The following TMEM132B variants were observed in gnomAD, a reference collection of about 807,000 sequenced individuals.
TMEM132B encodes the protein transmembrane protein 132B.
A neutral mutation model predicts 90.8 loss-of-function variants in TMEM132B; 18 were observed. The observed-to-expected ratio is 0.20, with a 90% CI of 0.14 to 0.29. The LOEUF (loss-of-function observed/expected upper bound fraction) is 0.29, where lower values mean the gene tolerates loss of function less well. TMEM132B is among the 10% of genes least tolerant of loss of function. The pLI is 1.00. For synonymous variants in TMEM132B, 504 were observed against 523.3 expected, an observed-to-expected ratio of 0.96 and a Z score of 0.50; for missense variants, 1,096 against 1,326.8, an observed-to-expected ratio of 0.83 and a Z score of 2.70.
chr12:125,417,449 G>C (rs187245610), intron 3 of TMEM132B, among the ~76,000 whole-genome samples: 1 of 152,116 alleles, frequency 6.6e-6, no homozygotes, highest in Non-Finnish European at 1.5e-5. Context: ...GTGCCTACTG[G>C]GTGGTCAGCT....
intron 3 of TMEM132B, among the ~76,000 whole-genome samples, chr12:125,507,540 G>A (rs1882877054): frequency 6.6e-6 from 1 of 152,134 alleles, no homozygotes; most frequent in South Asian, 2.1e-4. Flanking sequence ...CTGAAGGCGA[G>A]GCCAAGGATG....
chr12:125,654,835 T>G lies in TMEM132B; in HGVS notation c.*125T>G. 8.5e-7 allele frequency: 1 copy of G among 1,172,958 alleles called. No individual in the cohort carries two copies. Among genetic ancestry groups the G allele is most frequent in the Non-Finnish European group, 1.2e-6 (1 of 845,662 alleles). 72.7% of individuals were successfully genotyped at this position (1,172,958 alleles called of 1,614,324 possible). On this transcript the variant is annotated 3_prime_UTR_variant, in exon 9 of 9. Coordinates refer to ENST00000682704, the MANE Select transcript of TMEM132B (RefSeq NM_001366854.1). This position sits in a 1 kb window ranked among gnomAD's most constrained non-coding sequence, Gnocchi z 5.8. ...ATTTGTGGAGGTCTGGTGGGATTCATTTCTAAGCAGGTAAAAGAGGTTTGG... is the reference window on the plus strand; with the variant it reads ...ATTTGTGGAGGTCTGGTGGGATTCAGTTCTAAGCAGGTAAAAGAGGTTTGG...
chr12:125,529,343 C>T (rs976720369), intron 4 of TMEM132B, among the ~76,000 whole-genome samples: 2 of 152,150 alleles, frequency 1.3e-5, no homozygotes, highest in South Asian at 2.1e-4. Context: ...GCAATCCTTC[C>T]ACTTTAGCCT....
rs1203434073 is a variant in TMEM132B at position 125,408,610 on chromosome 12, G to T, written c.960-6921G>T. 6.6e-6 allele frequency among the ~76,000 whole-genome samples: 1 copy of T among 152,184 alleles called. No individual in the cohort carries two copies. Among genetic ancestry groups the T allele is most frequent in the Non-Finnish European group, 1.5e-5 (1 of 68,044 alleles). ...TTGTGGTATTTTGTTAGACTGTCCC[G>T]AACAGATTAAGGCAATGAGCATTTT... On this transcript the variant is annotated intron_variant, in intron 2 of 8. Transcript: ENST00000682704. This position sits in a 1 kb window ranked among gnomAD's most constrained non-coding sequence, Gnocchi z 5.9.
chr12:125,427,793 G>A (rs1379069319), intron 3 of TMEM132B, among the ~76,000 whole-genome samples: 1 of 152,198 alleles, frequency 6.6e-6, no homozygotes, highest in Admixed American at 6.5e-5. Flanking sequence ...TTCTTACCAA[G>A]TGCAGATGTT....
At chr12:125,413,733 C>T (rs769339018) in intron 2 of TMEM132B, among the ~76,000 whole-genome samples, 4 of 152,164 alleles carry the variant, frequency 2.6e-5, no homozygotes, top group Non-Finnish European at 4.4e-5. Context: ...TTTTATTTAT[C>T]CCTCCATCAT....
chr12:125,454,392 T>TGTGTGTGTGTGTG (rs1555250638), intron 3 of TMEM132B, among the ~76,000 whole-genome samples: 14 of 112,082 alleles, frequency 1.2e-4, no homozygotes, highest in African/African-American at 3.7e-4. Flanking sequence ...GTGTGTGTGT[T>TGTGTGTGTGTGTG]TGTGTGTGTG....
At chr12:125,430,917 C>T (rs1880481456) in intron 3 of TMEM132B, among the ~76,000 whole-genome samples, 1 of 151,992 alleles carries the variant, frequency 6.6e-6, no homozygotes, top group South Asian at 2.1e-4. Flanking sequence ...CGAGCAGAGC[C>T]CTGAAGGGAG....
rs548027902 is a variant in TMEM132B at position 125,460,596 on chromosome 12, C to T, written c.1106+44919C>T. Among the ~76,000 whole-genome samples the T allele has an allele frequency of 6.6e-6, 1 of 152,218 alleles. No homozygotes were observed. Among genetic ancestry groups the T allele is most frequent in the Admixed American group, 6.5e-5 (1 of 15,276 alleles). On this transcript the variant is annotated intron_variant, in intron 3 of 8. Transcript: ENST00000682704. The surrounding 1 kb of genome is among the most constrained non-coding windows in gnomAD (Gnocchi z 4.4). ...CTCTCCTTCAGTCCAACGCATTTCA[C>T]TCTTCAACAGTACTGCTCAACCGTT...
chr12:125,658,843 A>G lies in TMEM132B; in HGVS notation c.*4133A>G, dbSNP rs941782706. 6.6e-6 allele frequency: 1 copy of G among 152,212 alleles called. No homozygotes were observed. The highest frequency in any genetic ancestry group is 2.4e-5 in the African/African-American group (1 of 41,456). 9.4% of individuals were successfully genotyped at this position (152,212 alleles called of 1,614,324 possible). On this transcript the variant is annotated 3_prime_UTR_variant, in exon 9 of 9. Transcript: ENST00000682704. ...CTGAATTTGGAATTCTGGCCTAGAA[A>G]GGCTGTGGCTTATGTTGGGATTGAT... is the stretch of plus-strand genomic sequence containing the variant.
intron 5 of TMEM132B, among the ~76,000 whole-genome samples, chr12:125,594,947 C>T (rs1247318305): frequency 6.6e-6 from 1 of 152,038 alleles, no homozygotes; most frequent in Non-Finnish European, 1.5e-5. Flanking sequence ...GCCTGTTGAG[C>T]TCAGTGTTCT....
intron 3 of TMEM132B, among the ~76,000 whole-genome samples, chr12:125,491,020 G>A (rs1882337163): frequency 6.6e-6 from 1 of 152,128 alleles, no homozygotes; most frequent in Non-Finnish European, 1.5e-5. Flanking sequence ...TGCCATCTTG[G>A]AAGTGGATCC....
intron 3 of TMEM132B, among the ~76,000 whole-genome samples, chr12:125,457,708 A>AGAGCATCC (rs1159361230): frequency 6.6e-6 from 1 of 152,184 alleles, no homozygotes; most frequent in Non-Finnish European, 1.5e-5. Context: ...GGCTGGAAGG[A>AGAGCATCC]GAGCATCCTG....
chr12:125,627,957 T>C (rs956600485), intron 5 of TMEM132B, among the ~76,000 whole-genome samples: 2 of 152,186 alleles, frequency 1.3e-5, no homozygotes, highest in African/African-American at 4.8e-5. Flanking sequence ...GATAAAGATC[T>C]CCAGTTCCAT....
chr12:125,381,713 C>T (rs1878689945), intron 2 of TMEM132B, among the ~76,000 whole-genome samples: 1 of 152,074 alleles, frequency 6.6e-6, no homozygotes, highest in African/African-American at 2.4e-5. Context: ...TGTGAATGTA[C>T]ATATGTGTAT....
chr12:125,294,458 TC>T (rs752872458), intron 1 of TMEM132B, among the ~76,000 whole-genome samples: 3 of 152,242 alleles, frequency 2.0e-5, no homozygotes, highest in Non-Finnish European at 2.9e-5. Context: ...GAGATGTTCA[TC>T]ACAGAACTAT....
intron 1 of TMEM132B, among the ~76,000 whole-genome samples, chr12:125,231,724 A>G (rs1873828786): frequency 6.6e-6 from 1 of 151,940 alleles, no homozygotes; most frequent in Non-Finnish European, 1.5e-5. Flanking sequence ...CACAGAACAG[A>G]GTTTGAAAGC....
rs4765243 is a variant in TMEM132B at position 125,281,982 on chromosome 12, T to C, written c.68-67470T>C. Reference sequence around the variant, plus strand: ...GGCGGAGGTTGCAGTGAGCCGAGATTGCGCCATTGCACTCCAGCCTGGCCA... The same window carrying C: ...GGCGGAGGTTGCAGTGAGCCGAGATCGCGCCATTGCACTCCAGCCTGGCCA... On this transcript the variant is annotated intron_variant, in intron 1 of 8. Transcript: ENST00000682704. Among the ~76,000 whole-genome samples, 7 of 131,322 alleles carry C rather than the reference T, an allele frequency of 5.3e-5. 1 individual carries two copies. The East Asian group carries it at 1.7e-3, about 32-fold the overall frequency. The allele number at this position is 131,322 out of a possible 152,430, so 86.2% of individuals were successfully genotyped here.
At position 125,213,689 on chromosome 12, in the gene TMEM132B, G is replaced by T. The variant is rs1304501440; in HGVS notation, c.67+26823G>T. 6.6e-6 allele frequency among the ~76,000 whole-genome samples: 1 copy of T among 152,188 alleles called. No individual in the cohort carries two copies. Among genetic ancestry groups the T allele is most frequent in the Non-Finnish European group, 1.5e-5 (1 of 68,030 alleles). On this transcript the variant is annotated intron_variant, in intron 1 of 8. Transcript: ENST00000682704. The surrounding 1 kb of genome is among the most constrained non-coding windows in gnomAD (Gnocchi z 4.2). ...ATGAGTCTCCCTTGTTGCCTGGATAGAGGGTTTACCTGTACATGATCTAGC... is the reference window on the plus strand; with the variant it reads ...ATGAGTCTCCCTTGTTGCCTGGATATAGGGTTTACCTGTACATGATCTAGC...
Sources: allele counts gnomAD v4.1 joint callset (sites outside exome capture counted in the v4.1 genomes callset), GRCh38; gene constraint gnomAD v4.1.1; non-coding constraint Gnocchi (gnomAD v3.1); transcripts MANE v1.5; gene names NCBI Gene and HGNC (gene_info 2026-07-23, HGNC 2026-07-21).